The following CCDC187 variants were observed in gnomAD, a reference collection of about 807,000 sequenced individuals.
CCDC187 encodes the protein coiled-coil domain-containing protein 187.
In CCDC187, 32 loss-of-function variants were observed where a neutral mutation model predicts 38.0. The ratio of observed to expected loss-of-function variants is 0.84; its 90% confidence interval spans 0.64 to 1.13. CCDC187 has a LOEUF of 1.13. Ranked by LOEUF, CCDC187 falls within the 50% of genes most tolerant of loss-of-function variation. The pLI, the probability that CCDC187 is intolerant of heterozygous loss-of-function variation, is 0.00. For synonymous variants in CCDC187, 333 were observed against 347.9 expected (o/e 0.96, Z 0.48); for missense variants, 707 against 786.8 (o/e 0.90, Z 1.21).
In CCDC187 at chr9:136,274,705, C is replaced by T. The variant is rs1485808394; in HGVS notation, c.3395G>A (p.Gly1132Asp). 6.6e-6 allele frequency: 1 copy of T among 152,360 alleles called. No individual in the cohort carries two copies. The highest frequency in any genetic ancestry group is 2.4e-5 in the African/African-American group (1 of 41,468). The allele number at this position is 152,360 out of a possible 1,614,324, so 9.4% of individuals were successfully genotyped here. Residue 1132 changes from glycine to aspartate, a missense_variant, in exon 14 of 26, where the codon GGT (glycine) becomes GAT (aspartate). Gly to Asp is a moderately conservative substitution (Grantham distance 94). Coordinates refer to ENST00000638797, the MANE Select transcript of CCDC187 (RefSeq NM_001378188.1). ...CACATTCTCTGGCCTGTCCTCGGGA[C>T]CCTGGGAGGACGTGGCAGCATCTGT... is the stretch of plus-strand genomic sequence containing the variant. The part of the protein sequence containing the change: ...LDTDAATSSQ[G>D]PEDRPENVVA...
At position 136,281,706 on chromosome 9, in the gene CCDC187, A is replaced by C. The variant is rs1831047677; in HGVS notation, c.2928-43T>G. The stretch of plus-strand genomic sequence containing the variant: ...ACGTGTGGCAGGGCCAGGCCCGTGG[A>C]GGAGACAGGAGGCAGGGAGATCCGG... On this transcript the variant is annotated intron_variant, in intron 9 of 25. Coordinates refer to ENST00000638797, the MANE Select transcript of CCDC187 (RefSeq NM_001378188.1). The C allele has an allele frequency of 1.8e-5, 7 of 398,646 alleles. No individual in the cohort carries two copies. In the Admixed American group the frequency reaches 3.1e-4, roughly 18 times the overall value. 24.7% of individuals were successfully genotyped at this position (398,646 alleles called of 1,614,324 possible). A position where few individuals can be genotyped will look rare whatever the true frequency, so the allele number is the denominator to read the frequency against.
chr9:136,261,383 A>G (rs1416650578), intron 19 of CCDC187, among the ~76,000 whole-genome samples: 1 of 152,212 alleles, frequency 6.6e-6, no homozygotes, highest in Non-Finnish European at 1.5e-5. Context: ...AGTGCTACAC[A>G]TCGCTGGTGT....
intron 10 of CCDC187, chr9:136,281,331 C>T (rs1022831895): frequency 3.6e-4 from 145 of 398,050 alleles, no homozygotes; most frequent in Non-Finnish European, 5.4e-4. Flanking sequence ...TCTCATCCAC[C>T]GAGGGCCCAT....
At chr9:136,299,110 C>T (rs1345381002) in intron 3 of CCDC187, among the ~76,000 whole-genome samples, 3 of 152,154 alleles carry the variant, frequency 2.0e-5, no homozygotes, top group African/African-American at 7.2e-5. Context: ...TGGGGTCCCC[C>T]TGGAAGGCGG....
chr9:136,278,893 G>A (rs922340812), intron 10 of CCDC187, among the ~76,000 whole-genome samples: 1 of 152,250 alleles, frequency 6.6e-6, no homozygotes, highest in Non-Finnish European at 1.5e-5. Flanking sequence ...CTACCATATT[G>A]TACAACTCAG....
chr9:136,291,978 C>T (rs1276142318), intron 5 of CCDC187, among the ~76,000 whole-genome samples, 183 bp downstream of exon 5: 2 of 152,352 alleles, frequency 1.3e-5, no homozygotes, highest in African/African-American at 4.8e-5. Context: ...GCTTTGAAAA[C>T]ACTTATTGCC....
At chr9:136,281,972 G>A (rs1215927175) in intron 9 of CCDC187, among the ~76,000 whole-genome samples, 6 of 152,312 alleles carry the variant, frequency 3.9e-5, no homozygotes, top group Middle Eastern at 3.4e-3. Flanking sequence ...TCTGGGAAGC[G>A]TTGGCGCCAA....
Position 136,250,701 on chromosome 9 carries a change from T to A in CCDC187, c.*2893A>T, listed in dbSNP as rs907384495. ...CAAACATCTGCATTCTCAGGTGGGC[T>A]GGGCAGGAGCTGGTGCAAAATCAGA... On this transcript the variant is annotated 3_prime_UTR_variant, in exon 26 of 26. Coordinates refer to ENST00000638797, the MANE Select transcript of CCDC187 (RefSeq NM_001378188.1). The A allele has an allele frequency of 4.0e-5, 18 of 455,624 alleles. No individual in the cohort carries two copies. The highest frequency in any genetic ancestry group is 3.0e-4 in the African/African-American group (15 of 50,052). The allele number at this position is 455,624 out of a possible 1,614,324, so 28.2% of individuals were successfully genotyped here.
At chr9:136,285,325 C>T (rs1044014101) in intron 9 of CCDC187, among the ~76,000 whole-genome samples, 188 bp downstream of exon 9, 4 of 152,120 alleles carry the variant, frequency 2.6e-5, no homozygotes, top group Non-Finnish European at 4.4e-5. Flanking sequence ...GGCCAGCGTC[C>T]GAGCCAGCAC....
At chr9:136,286,044 CT>C in intron 8 of CCDC187, 40 bp downstream of exon 8, 1 of 398,118 alleles carries the variant, frequency 2.5e-6, no homozygotes, top group Non-Finnish European at 4.4e-6. Flanking sequence ...ACAGGACCCC[CT>C]GGCCACCCAG....
rs1272297253 is a variant in CCDC187 at position 136,257,808 on chromosome 9, C to T, written c.4367-967G>A. ...CCGTGGCTCCGGGTGACCCCAGCGA[C>T]CACAATGGGGCGTCACCCAGGGAGC... On this transcript the variant is annotated intron_variant, in intron 22 of 25. Transcript: ENST00000638797. This position sits in a 1 kb window ranked among gnomAD's most constrained non-coding sequence, Gnocchi z 4.5. 6.6e-6 allele frequency among the ~76,000 whole-genome samples: 1 copy of T among 152,246 alleles called. No homozygotes were observed. The highest frequency in any genetic ancestry group is 1.5e-5 in the Non-Finnish European group (1 of 68,042).
intron 4 of CCDC187, among the ~76,000 whole-genome samples, chr9:136,294,453 C>T (rs1317490117): frequency 2.0e-5 from 3 of 152,240 alleles, no homozygotes; most frequent in African/African-American, 7.2e-5. Context: ...GCAGCTCCAC[C>T]CCGTGGCCTG....
intron 4 of CCDC187, 108 bp downstream of exon 4, chr9:136,297,606 G>A (rs1315074448): frequency 5.1e-6 from 2 of 392,606 alleles, no homozygotes; most frequent in South Asian, 1.4e-4. Context: ...ATGGCAGTCC[G>A]ACTGGCCAGC....
Position 136,290,752 on chromosome 9 carries a change from G to A in CCDC187, c.1861C>T (p.Arg621Trp), listed in dbSNP as rs1359561433. ...AGCCCCCGGGACCTGGGGCAGGGCC[G>A]CAGCGTGTCCTTCTCCTTCCCAAGT... ...NPLGKEKDTL[R>W]PCPRSRGLLG... Residue 621 changes from arginine to tryptophan, a missense_variant, in exon 6 of 26, where the codon CGG becomes TGG. Arg to Trp is a moderately radical substitution (Grantham distance 101, BLOSUM62 -3). Coordinates refer to ENST00000638797, the MANE Select transcript of CCDC187 (RefSeq NM_001378188.1). The A allele has an allele frequency of 7.0e-5, 28 of 398,378 alleles. No individual in the cohort carries two copies. Among genetic ancestry groups the A allele is most frequent in the African/African-American group, 4.7e-4 (23 of 48,636 alleles). 24.7% of individuals were successfully genotyped at this position (398,378 alleles called of 1,614,324 possible).
intron 19 of CCDC187, among the ~76,000 whole-genome samples, chr9:136,261,469 C>T (rs1830677927): frequency 6.7e-6 from 1 of 148,448 alleles, no homozygotes; most frequent in Admixed American, 6.8e-5. Flanking sequence ...GGTCTGCAAC[C>T]ATACATGTAC....
chr9:136,291,750 C>G, intron 5 of CCDC187, 105 bp from the exon 6 acceptor site: 1 of 397,992 alleles, frequency 2.5e-6, no homozygotes, highest in Non-Finnish European at 4.4e-6. Context: ...GGTGAGGAGG[C>G]CCTCGGGCCC....
At chr9:136,262,550 T>C in intron 18 of CCDC187, 88 bp from the exon 19 acceptor site, 2 of 974,372 alleles carry the variant, frequency 2.1e-6, no homozygotes, top group Non-Finnish European at 2.4e-6. Flanking sequence ...TGGCTGTGGC[T>C]GTGGCAGGGC....
chr9:136,295,963 C>T (rs1239503149), intron 4 of CCDC187: 6 of 152,320 alleles, frequency 3.9e-5, no homozygotes, highest in Admixed American at 3.9e-4. Flanking sequence ...TTCTGCTCGG[C>T]CTCTGGCCCC....
At chr9:136,266,072 A>G in intron 16 of CCDC187, 29 bp from the exon 17 acceptor site, 3 of 981,118 alleles carry the variant, frequency 3.1e-6, no homozygotes, top group Non-Finnish European at 3.6e-6. Flanking sequence ...ATCACTGCCA[A>G]TGTTGACAGC....
Sources: allele counts gnomAD v4.1 joint callset (sites outside exome capture counted in the v4.1 genomes callset), GRCh38; gene constraint gnomAD v4.1.1; non-coding constraint Gnocchi (gnomAD v3.1); transcripts MANE v1.5; gene names NCBI Gene and HGNC (gene_info 2026-07-23, HGNC 2026-07-21).